The following N4BP1 variants were observed in gnomAD, a reference collection of about 807,000 sequenced individuals.
N4BP1 encodes the protein NEDD4 binding protein 1.
Under a neutral mutation model 70.9 loss-of-function variants are expected in N4BP1, and 21 were observed. The observed-to-expected ratio is 0.30, with a 90% CI of 0.21 to 0.43. The LOEUF (loss-of-function observed/expected upper bound fraction) is 0.43. Ranked by LOEUF, N4BP1 falls within the 20% of genes least tolerant of loss-of-function variation. N4BP1 has a pLI of 1.00. For missense variants in N4BP1, 936 were observed against 1,069.4 expected, an observed-to-expected ratio of 0.88 and a Z score of 1.74; for synonymous variants, 387 against 394.6, an observed-to-expected ratio of 0.98 and a Z score of 0.23.
At chr16:48,580,052 C>A (rs1053334222) in intron 1 of N4BP1, among the ~76,000 whole-genome samples, 1 of 151,386 alleles carries the variant, frequency 6.6e-6, no homozygotes, top group Non-Finnish European at 1.5e-5. Context: ...CCAGCCTGGG[C>A]AACATGGCAA....
At chr16:48,584,739 C>A (rs1202917481) in intron 1 of N4BP1, among the ~76,000 whole-genome samples, 1 of 151,996 alleles carries the variant, frequency 6.6e-6, no homozygotes, top group East Asian at 1.9e-4. Context: ...TGCGAGATTA[C>A]CATCTCTTAA....
chr16:48,548,242 A>G (rs1457436522), intron 4 of N4BP1, 128 bp from the exon 5 acceptor site: 1 of 634,598 alleles, frequency 1.6e-6, no homozygotes, highest in African/African-American at 1.8e-5. Flanking sequence ...GCTAGGCCAC[A>G]GAAAAGTTTA....
chr16:48,548,563 C>G (rs1963620973), intron 4 of N4BP1, among the ~76,000 whole-genome samples: 1 of 152,070 alleles, frequency 6.6e-6, no homozygotes, highest in South Asian at 2.1e-4. Flanking sequence ...TTCATAGGTT[C>G]AAGCCGAGTG....
chr16:48,560,783 A>C lies in N4BP1; in HGVS notation c.1860T>G (p.Ile620Met). The change falls in exon 2 of 7, where the codon ATT (isoleucine) becomes ATG (methionine). Residue 620 changes from isoleucine to methionine, a missense_variant. Around this residue, in one of 4 missense-constraint regions of N4BP1, gnomAD observed 229 missense variants for 343.5 expected, o/e 0.67. Transcript: ENST00000262384. ...TTGCAACATTGCTCCCATCTATAAC[A>C]ATGTGTTTCAAATCCGTTCTCCCTG... Reference protein sequence around the residue: ...NEPGRTDLKHIVIDGSNVAIT... With the variant: ...NEPGRTDLKHMVIDGSNVAIT... 1 of 1,611,146 alleles carries C rather than the reference A, an allele frequency of 6.2e-7. No individual in the cohort carries two copies. Among genetic ancestry groups the C allele is most frequent in the Non-Finnish European group, 8.5e-7 (1 of 1,178,876 alleles).
chr16:48,547,465 T>C (rs1302870424), intron 5 of N4BP1, among the ~76,000 whole-genome samples: 1 of 152,250 alleles, frequency 6.6e-6, no homozygotes, highest in Non-Finnish European at 1.5e-5. Context: ...TAACTTTGTT[T>C]TATTTTGGAT....
intron 1 of N4BP1, among the ~76,000 whole-genome samples, chr16:48,606,796 C>A (rs1964588528): frequency 6.6e-6 from 1 of 152,216 alleles, no homozygotes. Context: ...CTTGGTGGGA[C>A]ACAAGACAGT....
chr16:48,548,619 G>A (rs913692236), intron 4 of N4BP1, among the ~76,000 whole-genome samples: 6 of 152,052 alleles, frequency 3.9e-5, no homozygotes, highest in African/African-American at 1.4e-4. Flanking sequence ...GGTTGAGGTG[G>A]GCGGATCATT....
rs1191009572 is a variant in N4BP1 at position 48,610,030 on chromosome 16, C to G, written c.-58G>C. On this transcript the variant is annotated 5_prime_UTR_variant, in exon 1 of 7. Coordinates refer to ENST00000262384, the MANE Select transcript of N4BP1 (RefSeq NM_153029.4). Reference sequence around the variant, plus strand: ...GCCGGCGGCGGCGACGCCCCCTCAGCTTGCTGCCGCTGCTCCCAAGCCAGT... The same window carrying G: ...GCCGGCGGCGGCGACGCCCCCTCAGGTTGCTGCCGCTGCTCCCAAGCCAGT... The G allele has an allele frequency of 4.1e-6, 4 of 976,894 alleles. No individual in the cohort carries two copies. In the African/African-American group the frequency reaches 7.0e-5, roughly 17 times the overall value. 60.5% of individuals were successfully genotyped at this position (976,894 alleles called of 1,614,324 possible).
At chr16:48,590,634 G>T (rs8054882) in intron 1 of N4BP1, among the ~76,000 whole-genome samples, 1 of 152,176 alleles carries the variant, frequency 6.6e-6, no homozygotes, top group Non-Finnish European at 1.5e-5. Flanking sequence ...TGTCTCTACC[G>T]ACAGGGCACT....
At chr16:48,597,509 C>T (rs1396066137) in intron 1 of N4BP1, among the ~76,000 whole-genome samples, 1 of 152,164 alleles carries the variant, frequency 6.6e-6, no homozygotes, top group Non-Finnish European at 1.5e-5. Context: ...AACCATAAGG[C>T]TTTTAAGAAT....
At chr16:48,585,444 C>T (rs1964231145) in intron 1 of N4BP1, among the ~76,000 whole-genome samples, 2 of 151,338 alleles carry the variant, frequency 1.3e-5, no homozygotes, top group African/African-American at 4.9e-5. Flanking sequence ...CAAGACCAGC[C>T]TGGGCAACAT....
chr16:48,562,068 C>T lies in N4BP1; in HGVS notation c.575G>A (p.Gly192Asp). The change falls in exon 2 of 7, where the codon GGT becomes GAT. Residue 192 changes from glycine to aspartate, a missense_variant. Transcript: ENST00000262384. ...LKKELLTLTQ[G>D]EENLFETGDD... ...TCCTGTTTCAAAGAGATTCTCCTCA[C>T]CTTGTGTGAGTGTCAAAAGTTCTTT... The T allele has an allele frequency of 6.2e-7, 1 of 1,613,612 alleles. No individual in the cohort carries two copies. The highest frequency in any genetic ancestry group is 8.5e-7 in the Non-Finnish European group (1 of 1,179,854).
At chr16:48,599,200 CCCCTCAT>C (rs1395961944) in intron 1 of N4BP1, among the ~76,000 whole-genome samples, 5 of 152,160 alleles carry the variant, frequency 3.3e-5, no homozygotes, top group Non-Finnish European at 7.3e-5. Flanking sequence ...ACTGCCCCCG[CCCCTCAT>C]CCCCATCTGA....
rs1963449785 is a variant in N4BP1 at position 48,539,143 on chromosome 16, C to T, written c.*3761G>A. ...GGTGGACAGCCACGGACACTAAGCT[C>T]AGGAGATGTGAACTTTGTGGTCTGG... On this transcript the variant is annotated 3_prime_UTR_variant, in exon 7 of 7. Coordinates refer to ENST00000262384, the MANE Select transcript of N4BP1 (RefSeq NM_153029.4). The T allele has an allele frequency of 6.6e-6, 1 of 152,304 alleles. No individual in the cohort carries two copies. The highest frequency in any genetic ancestry group is 2.1e-4 in the South Asian group (1 of 4,828). 9.4% of individuals were successfully genotyped at this position (152,304 alleles called of 1,614,324 possible).
At chr16:48,597,839 G>A (rs1423133454) in intron 1 of N4BP1, among the ~76,000 whole-genome samples, 3 of 152,154 alleles carry the variant, frequency 2.0e-5, no homozygotes, top group African/African-American at 7.2e-5. Context: ...CTGTGGACAT[G>A]AGGCAATAAA....
In N4BP1 at chr16:48,543,266, G is replaced by A. The variant is rs973544169; in HGVS notation, c.2334-5C>T. The A allele has an allele frequency of 6.6e-7, 1 of 1,506,718 alleles. No individual in the cohort carries two copies. Among genetic ancestry groups the A allele is most frequent in the Admixed American group, 2.3e-5 (1 of 43,590 alleles). The allele number at this position is 1,506,718 out of a possible 1,614,324, so 93.3% of individuals were successfully genotyped here. ...CTGAGTAGGGGCTGCATATCTCTGT[G>A]AATGGAAGTGAGTCCTGGTGAGTTG... On this transcript the variant is annotated splice_polypyrimidine_tract_variant and splice_region_variant and intron_variant, in intron 6 of 6. Transcript: ENST00000262384.
chr16:48,608,035 G>T (rs1395774573), intron 1 of N4BP1, among the ~76,000 whole-genome samples: 1 of 152,122 alleles, frequency 6.6e-6, no homozygotes, highest in African/African-American at 2.4e-5. Flanking sequence ...CTAATTTTTT[G>T]TATTTTTAGT....
chr16:48,603,322 G>A (rs1316649343), intron 1 of N4BP1, among the ~76,000 whole-genome samples: 1 of 151,596 alleles, frequency 6.6e-6, no homozygotes, highest in Non-Finnish European at 1.5e-5. Flanking sequence ...TCTGCTTGAA[G>A]TCCTCCAGGC....
intron 4 of N4BP1, among the ~76,000 whole-genome samples, chr16:48,549,894 G>T (rs1466011270): frequency 6.6e-6 from 1 of 152,166 alleles, no homozygotes; most frequent in Non-Finnish European, 1.5e-5. Flanking sequence ...AAAACACCAG[G>T]GTTGTTGTTA....
Sources: gnomAD v4.1 joint callset for allele counts (sites outside exome capture counted in the v4.1 genomes callset) on GRCh38, gnomAD v4.1.1 for gene constraint, gnomAD v4.1.1 regional missense constraint, MANE v1.5 for transcripts, NCBI Gene and HGNC (gene_info 2026-07-23, HGNC 2026-07-21) for gene names.